The following PLXDC2 variants were observed in gnomAD, a reference collection of about 807,000 sequenced individuals.
PLXDC2 encodes plexin domain containing 2.
PLXDC2 carries 40 observed loss-of-function variants against 68.9 expected under a neutral mutation model. The observed-to-expected ratio is 0.58, with a 90% confidence interval of 0.45 to 0.76. The LOEUF (loss-of-function observed/expected upper bound fraction) is 0.76, where lower values mean the gene tolerates loss of function less well. Among genes scored for constraint, PLXDC2 ranks in the 30% least tolerant of loss-of-function variants. The pLI, the probability that PLXDC2 is intolerant of heterozygous loss-of-function variation, is 0.00. For missense variants in PLXDC2, 644 were observed against 661.9 expected (o/e 0.97, Z 0.30); for synonymous variants, 243 against 234.2 (o/e 1.04, Z -0.34).
At chr10:20,208,536 G>A (rs1027029320) in intron 9 of PLXDC2, among the ~76,000 whole-genome samples, 3 of 152,116 alleles carry the variant, frequency 2.0e-5, no homozygotes, top group Admixed American at 6.6e-5. Flanking sequence ...TATCATATAT[G>A]TTTATATGTT....
At chr10:19,941,880 A>G (rs931686098) in intron 1 of PLXDC2, among the ~76,000 whole-genome samples, 1 of 151,862 alleles carries the variant, frequency 6.6e-6, no homozygotes, top group East Asian at 1.9e-4. Context: ...CGAGCTATTC[A>G]GTATTTTTTA....
At chr10:19,818,146 AAAG>A (rs1836391114) in intron 1 of PLXDC2, among the ~76,000 whole-genome samples, 2 of 152,148 alleles carry the variant, frequency 1.3e-5, no homozygotes, top group Admixed American at 6.6e-5. Flanking sequence ...GAAAAAGAAA[AAAG>A]AAAAAACTTG....
At position 20,112,652 on chromosome 10, in the gene PLXDC2, T is replaced by C. The variant is rs191733971; in HGVS notation, c.542-30643T>C. 5.1e-4 allele frequency among the ~76,000 whole-genome samples: 78 copies of C among 152,374 alleles called. 1 individual carries two copies. Among genetic ancestry groups the C allele is most frequent in the Admixed American group, 4.4e-3 (67 of 15,312 alleles). On this transcript the variant is annotated intron_variant, in intron 4 of 13. Transcript: ENST00000377252. ...ATTTATAACACTTAGAGAGTTCTGC[T>C]TTATAGATTTTTAAGTATAGAAATT...
intron 4 of PLXDC2, among the ~76,000 whole-genome samples, chr10:20,092,895 G>C (rs146214257): frequency 1.3e-5 from 2 of 152,104 alleles, no homozygotes; most frequent in African/African-American, 4.8e-5. Context: ...CCCAACAGAA[G>C]GCAGAAGAGA....
intron 2 of PLXDC2, among the ~76,000 whole-genome samples, chr10:20,034,589 T>C (rs1384988710): frequency 6.6e-6 from 1 of 152,144 alleles, no homozygotes; most frequent in Non-Finnish European, 1.5e-5. Context: ...CTCTTTAAAG[T>C]CTGGTTTGAG....
intron 12 of PLXDC2, among the ~76,000 whole-genome samples, chr10:20,228,423 A>G (rs1043253827): frequency 1.6e-4 from 25 of 151,910 alleles, no homozygotes; most frequent in Admixed American, 1.6e-3. Flanking sequence ...TTAGCAAGAC[A>G]TGGTGGCACA....
intron 9 of PLXDC2, among the ~76,000 whole-genome samples, chr10:20,200,414 A>G (rs1445429235): frequency 6.6e-6 from 1 of 152,064 alleles, no homozygotes; most frequent in East Asian, 1.9e-4. Context: ...TGTATTTTAT[A>G]AGGGTTAAAA....
chr10:19,874,999 G>T (rs1034721846), intron 1 of PLXDC2, among the ~76,000 whole-genome samples: 1 of 152,106 alleles, frequency 6.6e-6, no homozygotes, highest in Admixed American at 6.6e-5. Flanking sequence ...CCTCGTCATG[G>T]GGCAGATGAT....
intron 13 of PLXDC2, among the ~76,000 whole-genome samples, chr10:20,258,688 A>G (rs758118241): frequency 6.6e-6 from 1 of 152,098 alleles, no homozygotes. Flanking sequence ...AAGATGTGCA[A>G]ATTTGTTTTC....
intron 2 of PLXDC2, among the ~76,000 whole-genome samples, chr10:20,020,052 G>A (rs1292046883): frequency 7.2e-6 from 1 of 138,636 alleles, no homozygotes; most frequent in Non-Finnish European, 1.5e-5. Context: ...TTTGAGGCAG[G>A]GCTTGCTCTG....
intron 1 of PLXDC2, among the ~76,000 whole-genome samples, chr10:19,861,158 C>T (rs965549303): frequency 1.3e-4 from 20 of 152,046 alleles, no homozygotes; most frequent in African/African-American, 4.8e-4. Flanking sequence ...CCTCAGCCTC[C>T]CAAGTAGCTG....
intron 1 of PLXDC2, among the ~76,000 whole-genome samples, chr10:19,860,721 G>A (rs900381600): frequency 3.3e-5 from 5 of 152,164 alleles, no homozygotes; most frequent in African/African-American, 9.7e-5. Flanking sequence ...TGTGTTGAAT[G>A]TACTGTTTAT....
chr10:19,825,106 A>G (rs919169054), intron 1 of PLXDC2, among the ~76,000 whole-genome samples: 21 of 152,296 alleles, frequency 1.4e-4, no homozygotes, highest in African/African-American at 5.1e-4. Flanking sequence ...TATCATAGTT[A>G]GTGGTCTGTG....
chr10:20,007,162 A>G (rs557527665), intron 2 of PLXDC2, among the ~76,000 whole-genome samples: 37 of 152,354 alleles, frequency 2.4e-4, no homozygotes, highest in Non-Finnish European at 3.5e-4. Flanking sequence ...ACTCAGGGAC[A>G]TATGTGTAAA....
chr10:20,248,356 G>A (rs1201211824), intron 13 of PLXDC2, among the ~76,000 whole-genome samples: 1 of 152,152 alleles, frequency 6.6e-6, no homozygotes, highest in African/African-American at 2.4e-5. Context: ...TAGAATATTA[G>A]AGCTAGATGG....
At chr10:20,041,957 T>G (rs2131677247) in intron 2 of PLXDC2, among the ~76,000 whole-genome samples, 1 of 152,322 alleles carries the variant, frequency 6.6e-6, no homozygotes, top group East Asian at 1.9e-4. Context: ...TTAACCTTAA[T>G]TACCTTCCTA....
chr10:20,017,767 G>T (rs1338493102), intron 2 of PLXDC2, among the ~76,000 whole-genome samples: 1 of 152,228 alleles, frequency 6.6e-6, no homozygotes, highest in Non-Finnish European at 1.5e-5. Context: ...CGTATTTAAA[G>T]ATGATCACTG....
At chr10:20,014,439 CTTCCT>C (rs1300688911) in intron 2 of PLXDC2, among the ~76,000 whole-genome samples, 1 of 135,036 alleles carries the variant, frequency 7.4e-6, no homozygotes, top group Non-Finnish European at 1.6e-5. Flanking sequence ...TCTTTCCTTC[CTTCCT>C]TCCCCTCTCT....
chr10:20,236,314 G>T (rs2131883666), intron 12 of PLXDC2, among the ~76,000 whole-genome samples: 1 of 152,050 alleles, frequency 6.6e-6, no homozygotes, highest in African/African-American at 2.4e-5. Flanking sequence ...GAATGGTGGT[G>T]TGTGCATAAA....
Sources: allele counts gnomAD v4.1 joint callset (sites outside exome capture counted in the v4.1 genomes callset), GRCh38; gene constraint gnomAD v4.1.1; transcripts MANE v1.5; gene names NCBI Gene and HGNC (gene_info 2026-07-23, HGNC 2026-07-21).